Variants in ANKH observed in about 807,000 individuals in gnomAD.
ANKH encodes ANKH inorganic pyrophosphate transport regulator.
ANKH carries 15 observed loss-of-function variants against 49.0 expected under a neutral mutation model. The observed-to-expected ratio is 0.31, with a 90% CI of 0.20 to 0.47. The LOEUF (loss-of-function observed/expected upper bound fraction) is 0.47. Ranked by LOEUF, ANKH falls within the 20% of genes least tolerant of loss-of-function variation. ANKH has a pLI of 1.00. For synonymous variants in ANKH, 273 were observed against 260.0 expected (o/e 1.05, Z -0.48); for missense variants, 429 against 652.0 (o/e 0.66, Z 3.72).
intron 2 of ANKH, among the ~76,000 whole-genome samples, chr5:14,763,859 C>T (rs945201918): frequency 5.3e-5 from 8 of 152,090 alleles, no homozygotes; most frequent in Admixed American, 6.6e-5. Flanking sequence ...GAGGCCGAGG[C>T]GGGTGGATCA....
intron 1 of ANKH, among the ~76,000 whole-genome samples, chr5:14,805,247 C>T (rs1287225563): frequency 2.0e-5 from 3 of 151,636 alleles, no homozygotes; most frequent in Admixed American, 1.3e-4. Flanking sequence ...TTCCTGCCCT[C>T]GAACATCAGA....
At chr5:14,789,398 C>A (rs1457463793) in intron 1 of ANKH, among the ~76,000 whole-genome samples, 1 of 150,716 alleles carries the variant, frequency 6.6e-6, no homozygotes, top group African/African-American at 2.4e-5. Flanking sequence ...CCTTGCATCA[C>A]ATTTAGGTCC....
In ANKH at chr5:14,848,649, C is replaced by A. The variant is rs566720090; in HGVS notation, c.96+22703G>T. Among the ~76,000 whole-genome samples the A allele has an allele frequency of 3.9e-5, 6 of 152,188 alleles. No homozygotes were observed. The South Asian group carries it at 6.2e-4, about 16-fold the overall frequency. Reference sequence around the variant, plus strand: ...TGCCGCTCCCGATCGGGCTGGGGCTCGCCATTGTTCCTGTGCAGCTAAGTG... The same window carrying A: ...TGCCGCTCCCGATCGGGCTGGGGCTAGCCATTGTTCCTGTGCAGCTAAGTG... On this transcript the variant is annotated intron_variant, in intron 1 of 11. Transcript: ENST00000284268.
chr5:14,847,496 C>T (rs1320856542), intron 1 of ANKH, among the ~76,000 whole-genome samples: 16 of 152,142 alleles, frequency 1.1e-4, no homozygotes, highest in Non-Finnish European at 4.4e-5. Flanking sequence ...AAAGTGTCGC[C>T]GTCGAGAAGG....
At position 14,863,935 on chromosome 5, in the gene ANKH, C is replaced by T. The variant is rs61342043; in HGVS notation, c.96+7417G>A. 2.6e-3 allele frequency among the ~76,000 whole-genome samples: 395 copies of T among 152,296 alleles called. 2 individuals are homozygous for T. The highest frequency in any genetic ancestry group is 9.0e-3 in the African/African-American group (376 of 41,562). On this transcript the variant is annotated intron_variant, in intron 1 of 11. Coordinates refer to ENST00000284268, the MANE Select transcript of ANKH (RefSeq NM_054027.6). ...GTACCCTTTAAAAACTGTTTTTAGG[C>T]TGGATGTGGTGGCTCGTGCCTGTAA...
chr5:14,753,577 C>A lies in ANKH; in HGVS notation c.516+2284G>T, dbSNP rs182584361. 1.5e-3 allele frequency among the ~76,000 whole-genome samples: 223 copies of A among 152,256 alleles called. 4 individuals are homozygous for A. Among genetic ancestry groups the A allele is most frequent in the Non-Finnish European group, 3.1e-4 (21 of 68,020 alleles). ...TGGAAAGTCCAAAGACAGCAAACAA[C>A]CTTGACAATTCTCACCTTGATATCA... On this transcript the variant is annotated intron_variant, in intron 4 of 11. Coordinates refer to ENST00000284268, the MANE Select transcript of ANKH (RefSeq NM_054027.6).
rs748631663 is a variant in ANKH at position 14,712,900 on chromosome 5, C to T, written c.1339G>A (p.Ala447Thr). The T allele has an allele frequency of 5.6e-6, 9 of 1,612,344 alleles. No individual in the cohort carries two copies. The highest frequency in any genetic ancestry group is 1.7e-5 in the Admixed American group (1 of 59,838). ...TGCTTCCGGTAGACATAGCACGCAG[C>T]GATGGCGACCATGGTGGATTCTCCC... ...FVGESTMVAI[A>T]ACYVYRKQKK... is the part of the protein sequence containing the mutation. Residue 447 changes from alanine (A) to threonine (T), a missense_variant, in exon 11 of 12, where the codon GCT (alanine) becomes ACT (threonine). This residue lies in a region of ANKH where 378 missense variants were observed against 615.3 expected (regional missense o/e 0.61). Transcript: ENST00000284268.
intron 1 of ANKH, among the ~76,000 whole-genome samples, chr5:14,840,299 A>G (rs1364498061): frequency 6.6e-6 from 1 of 152,202 alleles, no homozygotes; most frequent in Admixed American, 6.5e-5. Flanking sequence ...GATATAGTTT[A>G]AAGATTTTTA....
intron 1 of ANKH, among the ~76,000 whole-genome samples, chr5:14,853,890 AAGAT>A (rs1220271112): frequency 9.9e-5 from 15 of 152,132 alleles, no homozygotes; most frequent in Admixed American, 9.8e-4. Flanking sequence ...ACTATACACA[AAGAT>A]AGAGCAAACC....
intron 1 of ANKH, among the ~76,000 whole-genome samples, chr5:14,815,355 C>T (rs1006426710): frequency 1.3e-5 from 2 of 152,180 alleles, no homozygotes; most frequent in South Asian, 2.1e-4. Flanking sequence ...TGGGCTGCAG[C>T]TCATCTGTCT....
intron 1 of ANKH, among the ~76,000 whole-genome samples, chr5:14,772,908 G>A (rs1739493291): frequency 6.6e-6 from 1 of 152,236 alleles, no homozygotes; most frequent in Non-Finnish European, 1.5e-5. Flanking sequence ...GTTCCAGTCA[G>A]CACGAAGCCA....
At chr5:14,787,724 G>A (rs1229827344) in intron 1 of ANKH, among the ~76,000 whole-genome samples, 1 of 152,238 alleles carries the variant, frequency 6.6e-6, no homozygotes, top group Non-Finnish European at 1.5e-5. Context: ...AAGGCTGACA[G>A]GTCACTGGCG....
chr5:14,725,292 G>A lies in ANKH; in HGVS notation c.1012-8457C>T, dbSNP rs985144130. On this transcript the variant is annotated intron_variant, in intron 8 of 11. Transcript: ENST00000284268. This position sits in a 1 kb window ranked among gnomAD's most constrained non-coding sequence, Gnocchi z 4.0. ...CCCTCACAGGGATGCTGTGTGGACT[G>A]GGCTGCCCAGAGTGCTGGTCTGCCA... 6.6e-6 allele frequency among the ~76,000 whole-genome samples: 1 copy of A among 152,196 alleles called. No individual in the cohort carries two copies. The highest frequency in any genetic ancestry group is 1.5e-5 in the Non-Finnish European group (1 of 68,028).
chr5:14,831,874 C>T (rs1208209765), intron 1 of ANKH, among the ~76,000 whole-genome samples: 1 of 152,084 alleles, frequency 6.6e-6, no homozygotes, highest in Non-Finnish European at 1.5e-5. Flanking sequence ...TTTTTCATCA[C>T]CAAATTAAAT....
At chr5:14,784,095 A>G (rs1739897544) in intron 1 of ANKH, among the ~76,000 whole-genome samples, 1 of 152,262 alleles carries the variant, frequency 6.6e-6, no homozygotes, top group South Asian at 2.1e-4. Flanking sequence ...TCCAAGAAAC[A>G]TTTACAGAAC....
chr5:14,746,170 C>T (rs1334607230), intron 6 of ANKH, among the ~76,000 whole-genome samples: 1 of 152,074 alleles, frequency 6.6e-6, no homozygotes, highest in Non-Finnish European at 1.5e-5. Context: ...TACTCTGCCT[C>T]ATCCCTGGGA....
intron 1 of ANKH, among the ~76,000 whole-genome samples, chr5:14,791,281 G>A (rs747498179): frequency 6.6e-6 from 1 of 152,064 alleles, no homozygotes; most frequent in African/African-American, 2.4e-5. Context: ...GTCTGAAAGA[G>A]GTGGCCATGT....
chr5:14,787,345 A>G (rs1041840103), intron 1 of ANKH, among the ~76,000 whole-genome samples: 1 of 152,110 alleles, frequency 6.6e-6, no homozygotes, highest in Non-Finnish European at 1.5e-5. Flanking sequence ...GGCCCAAGAA[A>G]CAGTGTTAAG....
chr5:14,771,913 C>CAA (rs1739441828), intron 1 of ANKH, among the ~76,000 whole-genome samples: 1 of 33,362 alleles, frequency 3.0e-5, no homozygotes, highest in Non-Finnish European at 5.3e-5. Flanking sequence ...GACTGTGTCT[C>CAA]AAAAAAAGAA....
Sources: gnomAD v4.1 joint callset for allele counts (sites outside exome capture counted in the v4.1 genomes callset) on GRCh38, gnomAD v4.1.1 for gene constraint, gnomAD v4.1.1 regional missense constraint, Gnocchi (gnomAD v3.1) non-coding constraint, MANE v1.5 for transcripts, NCBI Gene and HGNC (gene_info 2026-07-23, HGNC 2026-07-21) for gene names.